SHLD1: variants seen among roughly 807,000 people sequenced by gnomAD.
SHLD1 encodes shieldin complex subunit 1.
Under a neutral mutation model 5.5 loss-of-function variants are expected in SHLD1, and 3 were observed. The observed-to-expected ratio is 0.54, with a 90% CI of 0.25 to 1.40. The LOEUF (loss-of-function observed/expected upper bound fraction) is 1.40. Ranked by LOEUF, SHLD1 falls within the 40% of genes most tolerant of loss-of-function variation. The pLI is 0.15. For synonymous variants in SHLD1, 92 were observed against 94.3 expected, an observed-to-expected ratio of 0.98 and a Z score of 0.14; for missense variants, 210 against 244.4, an observed-to-expected ratio of 0.86 and a Z score of 0.94.
rs1043649690 is a variant in SHLD1 at position 5,855,870 on chromosome 20, G to A, written c.179-7154G>A. 2.6e-5 allele frequency among the ~76,000 whole-genome samples: 4 copies of A among 152,118 alleles called. No homozygotes were observed. The highest frequency in any genetic ancestry group is 9.7e-5 in the African/African-American group (4 of 41,420). ...CCTCATCCTTTTGAAATCAGGCTTG[G>A]CCATATGACTTCACGTTAGCCAGTG... On this transcript the variant is annotated intron_variant, in intron 2 of 2. Coordinates refer to ENST00000303142, the MANE Select transcript of SHLD1 (RefSeq NM_152504.4). This position sits in a 1 kb window ranked among gnomAD's most constrained non-coding sequence, Gnocchi z 4.4.
intron 1 of SHLD1, among the ~76,000 whole-genome samples, chr20:5,764,152 T>TTTTATATATATATATA (rs1984662184): frequency 1.4e-5 from 1 of 70,062 alleles, no homozygotes; most frequent in African/African-American, 5.3e-5. Flanking sequence ...ATATATATAT[T>TTTTATATATATATATA]TATATTTATA....
intron 2 of SHLD1, among the ~76,000 whole-genome samples, chr20:5,832,068 G>T (rs2087734822): frequency 6.6e-6 from 1 of 152,190 alleles, no homozygotes; most frequent in Non-Finnish European, 1.5e-5. Context: ...AGCCTCGCAG[G>T]TAGCTGGGAT....
intron 2 of SHLD1, among the ~76,000 whole-genome samples, chr20:5,800,884 A>G (rs2087283982): frequency 6.6e-6 from 1 of 152,010 alleles, no homozygotes; most frequent in African/African-American, 2.4e-5. Context: ...CTGAAAAGGA[A>G]GAAGAGGTGA....
chr20:5,827,783 C>A (rs899324632), intron 2 of SHLD1, among the ~76,000 whole-genome samples: 2 of 152,210 alleles, frequency 1.3e-5, no homozygotes, highest in Non-Finnish European at 2.9e-5. Flanking sequence ...GCTTCCCTTA[C>A]GGCTGATTCG....
intron 2 of SHLD1, among the ~76,000 whole-genome samples, chr20:5,846,635 G>A (rs140733674): frequency 1.1e-3 from 171 of 152,314 alleles, no homozygotes; most frequent in African/African-American, 4.0e-3. Context: ...TGAAGCTCCT[G>A]GCTCCAAATG....
intron 2 of SHLD1, among the ~76,000 whole-genome samples, chr20:5,805,710 C>T (rs972549091): frequency 2.6e-5 from 4 of 152,190 alleles, no homozygotes; most frequent in Admixed American, 6.5e-5. Context: ...AAATGATTCT[C>T]ATGCCTCAGT....
chr20:5,756,054 T>C (rs1314726210), intron 1 of SHLD1, among the ~76,000 whole-genome samples: 3 of 152,148 alleles, frequency 2.0e-5, no homozygotes, highest in Non-Finnish European at 2.9e-5. Context: ...TTTGTCAGTC[T>C]TATGATCTCT....
At chr20:5,853,831 C>A (rs1236256134) in intron 2 of SHLD1, among the ~76,000 whole-genome samples, 2 of 151,380 alleles carry the variant, frequency 1.3e-5, no homozygotes, top group Non-Finnish European at 2.9e-5. Context: ...ATAGCAGAGT[C>A]TCCACGTCTA....
At chr20:5,790,192 G>C (rs888448411) in intron 2 of SHLD1, among the ~76,000 whole-genome samples, 8 of 152,122 alleles carry the variant, frequency 5.3e-5, no homozygotes, top group African/African-American at 1.9e-4. Flanking sequence ...CACTACCTCA[G>C]ACAGCCCAAC....
intron 2 of SHLD1, among the ~76,000 whole-genome samples, chr20:5,841,170 A>AGT (rs11469039): frequency 0.023 from 3,410 of 146,326 alleles, 55 homozygotes; most frequent in South Asian, 0.028. Context: ...GAAAATAGCG[A>AGT]GTGTGTGTGT....
intron 2 of SHLD1, among the ~76,000 whole-genome samples, chr20:5,825,005 A>G (rs1390882399): frequency 6.6e-6 from 1 of 152,090 alleles, no homozygotes; most frequent in African/African-American, 2.4e-5. Context: ...GAGAAGATGT[A>G]CTCCTTTATT....
At chr20:5,832,622 T>G (rs1021115439) in intron 2 of SHLD1, among the ~76,000 whole-genome samples, 40 of 152,044 alleles carry the variant, frequency 2.6e-4, no homozygotes, top group African/African-American at 9.7e-4. Context: ...ATTTTTAAGA[T>G]TAGTTTGGCT....
At chr20:5,809,716 G>T (rs557708914) in intron 2 of SHLD1, among the ~76,000 whole-genome samples, 32 of 152,182 alleles carry the variant, frequency 2.1e-4, no homozygotes, top group African/African-American at 4.8e-4. Flanking sequence ...ACATTTGGTG[G>T]AGTTTGGAGA....
intron 2 of SHLD1, among the ~76,000 whole-genome samples, chr20:5,827,925 C>G (rs1228644673): frequency 6.6e-6 from 1 of 152,188 alleles, no homozygotes; most frequent in Non-Finnish European, 1.5e-5. Context: ...CCATGGTCAT[C>G]TCTGCATTCC....
At chr20:5,786,065 G>T (rs1156794226) in intron 2 of SHLD1, among the ~76,000 whole-genome samples, 2 of 152,020 alleles carry the variant, frequency 1.3e-5, no homozygotes, top group East Asian at 3.9e-4. Flanking sequence ...CAAAATGAAG[G>T]TCTCTGCAGC....
chr20:5,755,948 G>A (rs961024432), intron 1 of SHLD1, among the ~76,000 whole-genome samples: 3 of 152,114 alleles, frequency 2.0e-5, no homozygotes, highest in Admixed American at 2.0e-4. Flanking sequence ...TATGTTTTGG[G>A]GTAAAATCCT....
At chr20:5,849,741 T>G (rs371139147) in intron 2 of SHLD1, among the ~76,000 whole-genome samples, 1 of 147,028 alleles carries the variant, frequency 6.8e-6, no homozygotes, top group Non-Finnish European at 1.5e-5. Flanking sequence ...GGGTGGATCA[T>G]GAGGTCAGGA....
At position 5,863,377 on chromosome 20, in the gene SHLD1, T is replaced by A. The variant is rs2088189826; in HGVS notation, c.532T>A (p.Ser178Thr). Residue 178 changes from serine (S) to threonine (T), a missense_variant, in exon 3 of 3, where the codon TCT becomes ACT. Coordinates refer to ENST00000303142, the MANE Select transcript of SHLD1 (RefSeq NM_152504.4). Reference protein sequence around the residue: ...HFYPLEEGSTSLDDEKPNPGL... With the variant: ...HFYPLEEGSTTLDDEKPNPGL... ...CTACCCACTGGAGGAAGGAAGTACA[T>A]CTTTGGATGATGAAAAGCCAAACCC... The A allele has an allele frequency of 6.2e-7, 1 of 1,614,142 alleles. No homozygotes were observed. Among genetic ancestry groups the A allele is most frequent in the Non-Finnish European group, 8.5e-7 (1 of 1,180,012 alleles).
At chr20:5,759,555 A>G (rs1247416439) in intron 1 of SHLD1, among the ~76,000 whole-genome samples, 2 of 151,970 alleles carry the variant, frequency 1.3e-5, no homozygotes. Flanking sequence ...AATTTTTTAG[A>G]CAGGGTCTAG....
Sources: gnomAD v4.1 joint callset for allele counts (sites outside exome capture counted in the v4.1 genomes callset) on GRCh38, gnomAD v4.1.1 for gene constraint, Gnocchi (gnomAD v3.1) non-coding constraint, MANE v1.5 for transcripts, NCBI Gene and HGNC (gene_info 2026-07-23, HGNC 2026-07-21) for gene names.